FANCA: variants seen among roughly 807,000 people sequenced by gnomAD.
FANCA encodes the protein FA complementation group A, also known as Fanconi anemia group A protein.
FANCA carries 236 observed loss-of-function variants against 194.3 expected under a neutral mutation model. That is an observed-to-expected ratio of 1.21 (90% CI 1.09 to 1.35). FANCA has a LOEUF of 1.35. Ranked by LOEUF, FANCA falls within the 40% of genes most tolerant of loss-of-function variation. The pLI is 0.00. For synonymous variants in FANCA, 1,014 were observed against 715.8 expected (o/e 1.42, Z -6.65); for missense variants, 2,628 against 1,813.9 (o/e 1.45, Z -8.15).
In FANCA at chr16:89,749,754, T is replaced by C. The variant is rs1013239803; in HGVS notation, c.3215A>G (p.Gln1072Arg). 2.5e-6 allele frequency: 4 copies of C among 1,614,172 alleles called. No homozygotes were observed. The highest frequency in any genetic ancestry group is 2.5e-6 in the Non-Finnish European group (3 of 1,180,010). The change falls in exon 32 of 43, where the codon CAG becomes CGG. Residue 1072 changes from glutamine (Q) to arginine (R), a missense_variant. Physicochemically the swap from Gln to Arg is conservative, Grantham distance 43. Coordinates refer to ENST00000389301, the MANE Select transcript of FANCA (RefSeq NM_000135.4). ...GWSVAASLQR[Q>R]RELLMYKRIL... Reference sequence around the variant, plus strand: ...CCGTTTGTACATTAGCAGCTCCCTCTGTCTCTGAAGGCTGGCAGCCACGCT... The same window carrying C: ...CCGTTTGTACATTAGCAGCTCCCTCCGTCTCTGAAGGCTGGCAGCCACGCT...
At chr16:89,805,140 G>C (rs2040590803) in intron 7 of FANCA, 140 bp downstream of exon 7, 2 of 701,018 alleles carry the variant, frequency 2.9e-6, no homozygotes, top group Middle Eastern at 3.1e-4. Context: ...AACAGGCTGA[G>C]ACTGGGAGTC....
intron 33 of FANCA, among the ~76,000 whole-genome samples, chr16:89,748,038 A>G (rs989544231): frequency 2.6e-5 from 4 of 152,144 alleles, no homozygotes; most frequent in Non-Finnish European, 5.9e-5. Flanking sequence ...CAGCCTCTCA[A>G]GTAGGTGGGA....
intron 24 of FANCA, 75 bp downstream of exon 24, chr16:89,770,489 G>A: frequency 1.5e-6 from 2 of 1,372,632 alleles, no homozygotes; most frequent in Non-Finnish European, 2.0e-6. Context: ...ATGAGTCCCT[G>A]GTCTGCAGAC....
At chr16:89,797,753 G>C (rs994675369) in intron 10 of FANCA, among the ~76,000 whole-genome samples, 8 of 152,130 alleles carry the variant, frequency 5.3e-5, no homozygotes, top group African/African-American at 1.9e-4. Context: ...GCTTGTGCCA[G>C]GTGTGGTGGT....
intron 17 of FANCA, among the ~76,000 whole-genome samples, chr16:89,781,219 C>T (rs896786228): frequency 1.3e-5 from 2 of 148,652 alleles, no homozygotes; most frequent in African/African-American, 5.0e-5. Flanking sequence ...ACAAAATTAG[C>T]CTGACGTGGT....
intron 20 of FANCA, among the ~76,000 whole-genome samples, chr16:89,776,100 C>T (rs1455948925): frequency 6.8e-6 from 1 of 147,842 alleles, no homozygotes; most frequent in East Asian, 2.0e-4. Context: ...TAAATTATTT[C>T]TATTTCTCTC....
In FANCA at chr16:89,740,839, A is replaced by C. The variant is rs1181331961; in HGVS notation, c.3793T>G (p.Leu1265Val). ...ELLVFLFFFS[L>V]MGLLSSHLTS... ...AGATGTGACGACAGCAGGCCCATCA[A>C]GGAGAAGAAGAAAAGGAAAACCAAT... The change falls in exon 38 of 43, where the codon TTG (leucine) becomes GTG (valine). Residue 1265 changes from leucine (L) to valine (V), a missense_variant. Leu to Val is a conservative substitution (Grantham distance 32, BLOSUM62 1). Coordinates refer to ENST00000389301, the MANE Select transcript of FANCA (RefSeq NM_000135.4). 3 of 1,613,686 alleles carry C rather than the reference A, an allele frequency of 1.9e-6. No individual in the cohort carries two copies. Among genetic ancestry groups the C allele is most frequent in the South Asian group, 2.2e-5 (2 of 91,012 alleles).
In FANCA at chr16:89,808,077, AG is replaced by A. The variant is rs2040729699; in HGVS notation, c.596+216del. Among the ~76,000 whole-genome samples, 33 of 135,606 alleles carry A rather than the reference AG, an allele frequency of 2.4e-4. 2 individuals carry two copies. The South Asian group carries it at 6.1e-3, about 25-fold the overall frequency. 89.0% of individuals were successfully genotyped at this position (135,606 alleles called of 152,430 possible). ...CGTCTCAAAAAAAAAACAGACAAAA[AG>A]CAAACAAAACCAAAACACCATAAAC... On this transcript the variant is annotated intron_variant, in intron 6 of 42. Coordinates refer to ENST00000389301, the MANE Select transcript of FANCA (RefSeq NM_000135.4).
At chr16:89,807,385 C>T (rs1022315549) in intron 6 of FANCA, among the ~76,000 whole-genome samples, 1 of 151,200 alleles carries the variant, frequency 6.6e-6, no homozygotes. Context: ...ATCCGGGAAG[C>T]GGAGGTTGCA....
At chr16:89,765,265 C>T (rs1442758634) in intron 27 of FANCA, among the ~76,000 whole-genome samples, 199 bp from the exon 28 acceptor site, 1 of 151,394 alleles carries the variant, frequency 6.6e-6, no homozygotes, top group African/African-American at 2.4e-5. Flanking sequence ...TGGGAGGGCA[C>T]AACACACAAC....
chr16:89,770,589 C>T lies in FANCA; in HGVS notation c.2197G>A (p.Ala733Thr), dbSNP rs778634327. 1 of 1,611,626 alleles carries T rather than the reference C, an allele frequency of 6.2e-7. No homozygotes were observed. ...LTSFCQNLMA[A>T]SSVAPPERQG... ...CTCTCCGGGGGAGCGACACTGGAGG[C>T]AGCCATCAGGTTCTGACAGAAAGAC... The change falls in exon 24 of 43, where the codon GCC becomes ACC. Residue 733 changes from alanine (A) to threonine (T), a missense_variant. Physicochemically the swap from Ala to Thr is moderately conservative, Grantham distance 58 (BLOSUM62 0). Transcript: ENST00000389301.
At chr16:89,816,168 G>T (rs1328617941) in intron 1 of FANCA, 182 bp from the exon 2 acceptor site, 15 of 649,680 alleles carry the variant, frequency 2.3e-5, no homozygotes, top group Admixed American at 4.2e-5. Flanking sequence ...CGCGGACGCC[G>T]GGGAAGACGG....
chr16:89,798,677 G>A (rs1485637135), intron 10 of FANCA: 7 of 1,278,538 alleles, frequency 5.5e-6, no homozygotes, highest in Non-Finnish European at 6.0e-6. Context: ...TCTCCACAGA[G>A]CCATGGAGAG....
intron 14 of FANCA, among the ~76,000 whole-genome samples, chr16:89,786,265 C>T (rs917403503): frequency 6.6e-6 from 1 of 152,122 alleles, no homozygotes; most frequent in African/African-American, 2.4e-5. Flanking sequence ...CTTACCGTAA[C>T]CTCCGCCTCC....
intron 36 of FANCA, chr16:89,744,587 G>C: frequency 2.9e-6 from 1 of 348,964 alleles, no homozygotes; most frequent in Non-Finnish European, 5.6e-6. Flanking sequence ...CAGGTGCAAA[G>C]GAATCACTCG....
In FANCA at chr16:89,763,967, C is replaced by A. The variant is rs542101920; in HGVS notation, c.2778+923G>T. Among the ~76,000 whole-genome samples, 9 of 150,572 alleles carry A rather than the reference C, an allele frequency of 6.0e-5. 1 individual carries two copies. The South Asian group carries it at 1.9e-3, about 32-fold the overall frequency. ...CAACAACAAAAAACAAGTTCTCGGG[C>A]GCAATGGCTCACGCCTGTAATTCCA... On this transcript the variant is annotated intron_variant, in intron 28 of 42. Transcript: ENST00000389301.
At chr16:89,800,624 A>G (rs1186581804) in intron 8 of FANCA, among the ~76,000 whole-genome samples, 2 of 152,242 alleles carry the variant, frequency 1.3e-5, no homozygotes, top group Non-Finnish European at 2.9e-5. Flanking sequence ...GAACAAAGCT[A>G]TAGAATATAG....
intron 35 of FANCA, 67 bp downstream of exon 35, chr16:89,746,517 C>T (rs1172561384): frequency 2.4e-6 from 3 of 1,259,178 alleles, no homozygotes; most frequent in South Asian, 1.2e-5. Flanking sequence ...TGCAGAGATG[C>T]CAGAGGCAGC....
intron 27 of FANCA, among the ~76,000 whole-genome samples, chr16:89,766,383 G>C (rs1269906596): frequency 6.6e-6 from 1 of 152,028 alleles, no homozygotes; most frequent in Non-Finnish European, 1.5e-5. Flanking sequence ...CTTTACTTTT[G>C]ACATTCAGGG....
Sources: gnomAD v4.1 joint callset for allele counts (sites outside exome capture counted in the v4.1 genomes callset) on GRCh38, gnomAD v4.1.1 for gene constraint, MANE v1.5 for transcripts, NCBI Gene and HGNC (gene_info 2026-07-23, HGNC 2026-07-21) for gene names.